Variants in ALG3 observed in about 807,000 individuals in gnomAD.
ALG3 encodes the protein dol-P-Man:Man(5)GlcNAc(2)-PP-Dol alpha-1,3-mannosyltransferase.
In ALG3, 39 loss-of-function variants were observed where a neutral mutation model predicts 50.5. The ratio of observed to expected loss-of-function variants is 0.77; its 90% confidence interval spans 0.60 to 1.01. The LOEUF is 1.01. Among genes scored for constraint, ALG3 ranks in the 50% least tolerant of loss-of-function variants. The pLI, the probability that ALG3 is intolerant of heterozygous loss-of-function variation, is 0.00. For missense variants in ALG3, 520 were observed against 554.8 expected (o/e 0.94, Z 0.63); for synonymous variants, 252 against 237.2 (o/e 1.06, Z -0.58).
chr3:184,242,516 A>C lies in ALG3; in HGVS notation c.1315T>G (p.Ter439GlyextTer9), dbSNP rs1207450083. ...KSTQHSKKAH* is the reference protein window; with the variant it reads ...KSTQHSKKAHG ...GTCCTGAGGGAAAGGGGTGGACTTCAGTGGGCTTTCTTGCTGTGTTGGGTG... is the reference window on the plus strand; with the variant it reads ...GTCCTGAGGGAAAGGGGTGGACTTCCGTGGGCTTTCTTGCTGTGTTGGGTG... Residue 439 changes from the stop codon to glycine, a stop_lost, in exon 9 of 9, where the codon TGA (stop) becomes GGA (glycine). Coordinates refer to ENST00000397676, the MANE Select transcript of ALG3 (RefSeq NM_005787.6). 6.2e-7 allele frequency: 1 copy of C among 1,612,994 alleles called. No individual in the cohort carries two copies. The highest frequency in any genetic ancestry group is 1.1e-5 in the South Asian group (1 of 90,816).
rs1192057549 is a variant in ALG3 at position 184,245,622 on chromosome 3, G to T, written c.297-7C>A. On this transcript the variant is annotated splice_polypyrimidine_tract_variant and splice_region_variant and intron_variant, in intron 2 of 8. Transcript: ENST00000397676. ...CACGAAACCAGCTGGGTACCTGGAA[G>T]ATGAGAGAAAATGTGAGCCTGGGTC... The T allele has an allele frequency of 2.5e-6, 4 of 1,612,498 alleles. No homozygotes were observed. Among genetic ancestry groups the T allele is most frequent in the Admixed American group, 1.7e-5 (1 of 59,724 alleles).
At chr3:184,244,951 A>T in intron 4 of ALG3, 1 of 738,558 alleles carries the variant, frequency 1.4e-6, no homozygotes, top group Non-Finnish European at 2.2e-6. Flanking sequence ...TATACTGAGT[A>T]TTTAGAATGT....
chr3:184,243,554 G>GT lies in ALG3; in HGVS notation c.1008_1009insA (p.Gln337ThrfsTer159). The stretch of plus-strand genomic sequence containing the variant: ...TACCTTCCCACAATTTAAAGGATAT[G>GT]GTTGGGTGTAAGGGGCTGGGGTGGA... On this transcript the variant is annotated frameshift_variant and splice_region_variant, in exon 7 of 9. Transcript: ENST00000397676. LOFTEE classifies it high-confidence loss of function. 6.2e-7 allele frequency: 1 copy of GT among 1,613,758 alleles called. No individual in the cohort carries two copies. The highest frequency in any genetic ancestry group is 1.1e-5 in the South Asian group (1 of 91,056).
At chr3:184,248,237 T>C (rs772563044) in intron 1 of ALG3, among the ~76,000 whole-genome samples, 1 of 152,154 alleles carries the variant, frequency 6.6e-6, no homozygotes, top group Non-Finnish European at 1.5e-5. Flanking sequence ...AATAAATATT[T>C]GTTGAATTAA....
At chr3:184,248,993 C>G, upstream of ALG3, 1 of 1,544,174 alleles carries the variant, frequency 6.5e-7, no homozygotes, top group Non-Finnish European at 8.7e-7. Flanking sequence ...CCCGAACCTT[C>G]GACACTTAGG....
rs999421915 is a variant in ALG3 at position 184,248,957 on chromosome 3, T to C, written c.-17A>G. 13 of 1,562,640 alleles carry C rather than the reference T, an allele frequency of 8.3e-6. No homozygotes were observed. The African/African-American group carries it at 9.5e-5, about 11-fold the overall frequency. ...AGCCGCCATCTTAACGGTGCGCCGCTTGTGTGGGCCCACCACCCCCGGAAA... is the reference window on the plus strand; with the variant it reads ...AGCCGCCATCTTAACGGTGCGCCGCCTGTGTGGGCCCACCACCCCCGGAAA... On this transcript the variant is annotated 5_prime_UTR_variant, in exon 1 of 9. Coordinates refer to ENST00000397676, the MANE Select transcript of ALG3 (RefSeq NM_005787.6).
intron 1 of ALG3, 86 bp downstream of exon 1, chr3:184,248,659 G>T: frequency 8.0e-7 from 1 of 1,244,502 alleles, no homozygotes; most frequent in Non-Finnish European, 1.1e-6. Context: ...TACAGAGTCT[G>T]GTTTGGAGTT....
At position 184,242,427 on chromosome 3, in the gene ALG3, A is replaced by C; in HGVS notation, c.*87T>G. 6.6e-7 allele frequency: 1 copy of C among 1,509,852 alleles called. No individual in the cohort carries two copies. Among genetic ancestry groups the C allele is most frequent in the Non-Finnish European group, 9.0e-7 (1 of 1,108,080 alleles). The allele number at this position is 1,509,852 out of a possible 1,614,324, so 93.5% of individuals were successfully genotyped here. A position where few individuals can be genotyped will look rare whatever the true frequency, so the allele number is the denominator to read the frequency against. On this transcript the variant is annotated 3_prime_UTR_variant, in exon 9 of 9. Coordinates refer to ENST00000397676, the MANE Select transcript of ALG3 (RefSeq NM_005787.6). Reference sequence around the variant, plus strand: ...CTCCATGTAGGTTGCACAGAGTTGGACTTAGCAAGGTTTATTTGGAAGGGC... The same window carrying C: ...CTCCATGTAGGTTGCACAGAGTTGGCCTTAGCAAGGTTTATTTGGAAGGGC...
intron 4 of ALG3, 42 bp from the exon 5 acceptor site, chr3:184,244,763 G>A: frequency 1.3e-6 from 2 of 1,592,940 alleles, no homozygotes; most frequent in Non-Finnish European, 1.7e-6. Flanking sequence ...ATCAGCTCCA[G>A]GGCCATGCAC....
At chr3:184,244,455 T>C (rs1321041766) in intron 5 of ALG3, 146 bp downstream of exon 5, 3 of 999,794 alleles carry the variant, frequency 3.0e-6, no homozygotes, top group African/African-American at 3.3e-5. Flanking sequence ...CTATGGAAAC[T>C]ACAGCCTAGC....
chr3:184,249,225 C>T (rs370662384), upstream of ALG3: 5 of 1,612,632 alleles, frequency 3.1e-6, no homozygotes, highest in African/African-American at 5.3e-5. Flanking sequence ...TTCCTGCCTA[C>T]CTCCCCCACA....
Position 184,245,635 on chromosome 3 carries a change from G to A in ALG3, c.297-20C>T, listed in dbSNP as rs778342644. On this transcript the variant is annotated intron_variant, in intron 2 of 8. Transcript: ENST00000397676. Reference sequence around the variant, plus strand: ...GGGTACCTGGAAGATGAGAGAAAATGTGAGCCTGGGTCAGGTCACACAGAC... The same window carrying A: ...GGGTACCTGGAAGATGAGAGAAAATATGAGCCTGGGTCAGGTCACACAGAC... 3.7e-6 allele frequency: 6 copies of A among 1,611,846 alleles called. No individual in the cohort carries two copies. The highest frequency in any genetic ancestry group is 1.1e-5 in the South Asian group (1 of 90,650).
chr3:184,244,802 T>C (rs1719039248), intron 4 of ALG3, 81 bp from the exon 5 acceptor site: 1 of 1,503,032 alleles, frequency 6.7e-7, no homozygotes, highest in East Asian at 2.5e-5. Context: ...CCCCCCACCA[T>C]CACCACAGCA....
Position 184,245,246 on chromosome 3 carries a change from A to G in ALG3, c.557T>C (p.Ile186Thr), listed in dbSNP as rs746249318. 3 of 1,613,934 alleles carry G rather than the reference A, an allele frequency of 1.9e-6. No individual in the cohort carries two copies. The East Asian group carries it at 6.7e-5, about 36-fold the overall frequency. ...PVAMVLLFLS[I>T]NLLLAQRWGW... ...CCAGCGCTGGGCCAGCAGGAGGTTGATACTGAGGAAGAGCAGCACCATGGC... is the reference window on the plus strand; with the variant it reads ...CCAGCGCTGGGCCAGCAGGAGGTTGGTACTGAGGAAGAGCAGCACCATGGC... The change falls in exon 4 of 9, where the codon ATC becomes ACC. Residue 186 changes from isoleucine (I) to threonine (T), a missense_variant. Around this residue, in one of 3 missense-constraint regions of ALG3, gnomAD observed 290 missense variants for 265.9 expected, o/e 1.09. Transcript: ENST00000397676.
intron 7 of ALG3, chr3:184,243,331 G>A: frequency 1.7e-6 from 1 of 592,912 alleles, no homozygotes; most frequent in Admixed American, 3.1e-5. Flanking sequence ...AATCTCTTAT[G>A]ATAGTACCAG....
At chr3:184,244,441 A>T in intron 5 of ALG3, 160 bp downstream of exon 5, 1 of 880,770 alleles carries the variant, frequency 1.1e-6, no homozygotes, top group South Asian at 1.9e-5. Flanking sequence ...ACCCTATTTT[A>T]CAGCTATGGA....
chr3:184,244,169 G>A (rs1221431954), intron 5 of ALG3, among the ~76,000 whole-genome samples, 173 bp from the exon 6 acceptor site: 1 of 152,206 alleles, frequency 6.6e-6, no homozygotes, highest in African/African-American at 2.4e-5. Flanking sequence ...GCCAGTGCCT[G>A]GGGCCAAAGA....
At chr3:184,248,995 A>T, upstream of ALG3, 1 of 1,543,626 alleles carries the variant, frequency 6.5e-7, no homozygotes, top group Non-Finnish European at 8.7e-7. Context: ...CGAACCTTCG[A>T]CACTTAGGTT....
intron 1 of ALG3, among the ~76,000 whole-genome samples, chr3:184,246,298 T>G (rs1719147988): frequency 6.6e-6 from 1 of 152,174 alleles, no homozygotes; most frequent in African/African-American, 2.4e-5. Flanking sequence ...TGCTACAATA[T>G]ATTTTCCACC....
Sources: gnomAD v4.1 joint callset for allele counts (sites outside exome capture counted in the v4.1 genomes callset) on GRCh38, gnomAD v4.1.1 for gene constraint, gnomAD v4.1.1 regional missense constraint, MANE v1.5 for transcripts, NCBI Gene and HGNC (gene_info 2026-07-23, HGNC 2026-07-21) for gene names.